ZNF438: variants seen among roughly 807,000 people sequenced by gnomAD.
ZNF438 encodes zinc finger protein 438.
ZNF438 carries 25 observed loss-of-function variants against 38.0 expected under a neutral mutation model. The ratio of observed to expected loss-of-function variants is 0.66; its 90% CI spans 0.48 to 0.92. The LOEUF (loss-of-function observed/expected upper bound fraction) is 0.92. Among genes scored for constraint, ZNF438 ranks in the 40% least tolerant of loss-of-function variants. The pLI, the probability that ZNF438 is intolerant of heterozygous loss-of-function variation, is 0.00. For synonymous variants in ZNF438, 372 were observed against 364.1 expected (o/e 1.02, Z -0.25); for missense variants, 1,007 against 999.6 (o/e 1.01, Z -0.10).
chr10:30,890,626 A>G (rs1435409992), intron 3 of ZNF438, among the ~76,000 whole-genome samples: 1 of 152,190 alleles, frequency 6.6e-6, no homozygotes, highest in African/African-American at 2.4e-5. Context: ...CCTCCAGTCC[A>G]ATCTATTCTC....
At chr10:30,874,181 T>C in intron 4 of ZNF438, among the ~76,000 whole-genome samples, 1 of 145,412 alleles carries the variant, frequency 6.9e-6, no homozygotes. Flanking sequence ...CAAGGTCTTG[T>C]TCTGTTGTCC....
At chr10:30,974,840 A>G (rs1380843365) in intron 1 of ZNF438, among the ~76,000 whole-genome samples, 2 of 152,190 alleles carry the variant, frequency 1.3e-5, no homozygotes, top group African/African-American at 4.8e-5. Context: ...GAGACTCACA[A>G]AAGTTAAATG....
chr10:30,878,128 A>T (rs1221129192), intron 3 of ZNF438, among the ~76,000 whole-genome samples: 1 of 152,236 alleles, frequency 6.6e-6, no homozygotes, highest in African/African-American at 2.4e-5. Context: ...AAGTCAAAGT[A>T]GCCTGAAACC....
intron 1 of ZNF438, among the ~76,000 whole-genome samples, chr10:30,975,464 T>A (rs2051237110): frequency 1.3e-5 from 2 of 152,176 alleles, no homozygotes. Flanking sequence ...GACAGGGACA[T>A]CTTAGGACAC....
chr10:30,866,976 C>A (rs962910531), intron 4 of ZNF438, among the ~76,000 whole-genome samples: 1 of 152,098 alleles, frequency 6.6e-6, no homozygotes, highest in East Asian at 1.9e-4. Context: ...ACGTTACATG[C>A]GTGGATAAAA....
intron 1 of ZNF438, among the ~76,000 whole-genome samples, chr10:30,944,763 A>C (rs1407594739): frequency 6.6e-6 from 1 of 152,210 alleles, no homozygotes; most frequent in African/African-American, 2.4e-5. Context: ...CAAGAACGTT[A>C]GTGCAGTTAG....
chr10:30,972,254 C>T, intron 1 of ZNF438, among the ~76,000 whole-genome samples: 1 of 152,176 alleles, frequency 6.6e-6, no homozygotes, highest in Non-Finnish European at 1.5e-5. Context: ...CAAGCGTGAG[C>T]CGCCACGCCC....
intron 3 of ZNF438, among the ~76,000 whole-genome samples, chr10:30,905,659 T>A (rs372648062): frequency 6.6e-6 from 1 of 152,248 alleles, no homozygotes; most frequent in East Asian, 1.9e-4. Flanking sequence ...TTGGTATCAA[T>A]CTAAGAAACC....
chr10:30,947,873 C>T (rs1399782212), intron 1 of ZNF438, among the ~76,000 whole-genome samples: 2 of 148,818 alleles, frequency 1.3e-5, no homozygotes, highest in Non-Finnish European at 3.0e-5. Flanking sequence ...AATGCCTCGC[C>T]CTGCTTCGGC....
chr10:30,957,691 T>C (rs908083251), intron 1 of ZNF438, among the ~76,000 whole-genome samples: 1 of 152,220 alleles, frequency 6.6e-6, no homozygotes, highest in Non-Finnish European at 1.5e-5. Context: ...TTCTCTATTC[T>C]GTACCACTGT....
Position 30,845,213 on chromosome 10 carries a change from TC to T in ZNF438, c.2234del (p.Gly745AspfsTer67). On this transcript the variant is annotated frameshift_variant, in exon 6 of 6. Transcript: ENST00000413025. LOFTEE classifies it low-confidence loss of function (END_TRUNC). ...TTGGCTTGTTGGTTCCTGACTGGGGTCCTTCATTTTCCATGAGCATTTCCAC... is the reference window on the plus strand; with the variant it reads ...TTGGCTTGTTGGTTCCTGACTGGGGTCTTCATTTTCCATGAGCATTTCCAC... The T allele has an allele frequency of 6.2e-7, 1 of 1,614,066 alleles. No homozygotes were observed. Among genetic ancestry groups the T allele is most frequent in the Non-Finnish European group, 8.5e-7 (1 of 1,180,022 alleles).
intron 1 of ZNF438, among the ~76,000 whole-genome samples, chr10:30,978,235 T>C (rs1462412011): frequency 6.6e-6 from 1 of 152,200 alleles, no homozygotes; most frequent in Admixed American, 6.5e-5. Context: ...AACTACAGAC[T>C]AGACAGTATA....
chr10:30,864,908 C>A (rs2036175914), intron 4 of ZNF438, among the ~76,000 whole-genome samples: 1 of 152,220 alleles, frequency 6.6e-6, no homozygotes, highest in African/African-American at 2.4e-5. Flanking sequence ...TCTACTATCT[C>A]AAGTCCTTCA....
chr10:30,985,850 T>A (rs905808682), intron 1 of ZNF438, among the ~76,000 whole-genome samples: 1 of 152,232 alleles, frequency 6.6e-6, no homozygotes, highest in South Asian at 2.1e-4. Flanking sequence ...CCTCATTTTA[T>A]GTATATTTCT....
chr10:30,927,731 T>A (rs1451263090), intron 2 of ZNF438, among the ~76,000 whole-genome samples: 1 of 152,242 alleles, frequency 6.6e-6, no homozygotes, highest in Non-Finnish European at 1.5e-5. Flanking sequence ...AGGAGGCTCT[T>A]ATTTCATCCA....
chr10:30,955,933 C>T (rs2135927285), intron 1 of ZNF438, among the ~76,000 whole-genome samples: 1 of 152,196 alleles, frequency 6.6e-6, no homozygotes, highest in South Asian at 2.1e-4. Context: ...TTGCAAAGTT[C>T]ATTATAAGGT....
chr10:30,910,068 G>C (rs145843421), intron 2 of ZNF438, among the ~76,000 whole-genome samples: 88 of 152,264 alleles, frequency 5.8e-4, no homozygotes, highest in African/African-American at 1.8e-3. Flanking sequence ...GGCACTTCTT[G>C]AAAAGCAAGC....
At chr10:30,874,562 T>C (rs569129896) in intron 4 of ZNF438, among the ~76,000 whole-genome samples, 1 of 152,126 alleles carries the variant, frequency 6.6e-6, no homozygotes, top group East Asian at 1.9e-4. Flanking sequence ...AATGAATGAG[T>C]AAATTAATGA....
intron 1 of ZNF438, among the ~76,000 whole-genome samples, chr10:31,030,252 T>C (rs1307187359): frequency 6.6e-6 from 1 of 152,152 alleles, no homozygotes; most frequent in Non-Finnish European, 1.5e-5. Context: ...CCTTCCCTGT[T>C]CCCCCACTGT....
Sources: gnomAD v4.1 joint callset for allele counts (sites outside exome capture counted in the v4.1 genomes callset) on GRCh38, gnomAD v4.1.1 for gene constraint, MANE v1.5 for transcripts, NCBI Gene and HGNC (gene_info 2026-07-23, HGNC 2026-07-21) for gene names.